Variants in CHD9 observed in about 807,000 individuals in gnomAD.
CHD9 encodes ATP-dependent chromatin remodeler CHD9.
CHD9 carries 77 observed loss-of-function variants against 316.1 expected under a neutral mutation model. The ratio of observed to expected loss-of-function variants is 0.24; its 90% CI spans 0.20 to 0.29. The LOEUF (loss-of-function observed/expected upper bound fraction) is 0.29, where lower values mean the gene tolerates loss of function less well. Ranked by LOEUF, CHD9 falls within the 10% of genes least tolerant of loss-of-function variation. The pLI is 1.00. For synonymous variants in CHD9, 1,129 were observed against 1,158.3 expected (o/e 0.97, Z 0.51); for missense variants, 2,763 against 3,438.1 (o/e 0.80, Z 4.91).
intron 2 of CHD9, among the ~76,000 whole-genome samples, chr16:53,165,739 T>C (rs1432270524): frequency 7.1e-6 from 1 of 140,716 alleles, no homozygotes; most frequent in Non-Finnish European, 1.6e-5. Flanking sequence ...AGCTATTTGC[T>C]GTTTTTTTTC....
chr16:53,245,938 C>A lies in CHD9; in HGVS notation c.3454+88C>A. 1.2e-6 allele frequency: 1 copy of A among 868,234 alleles called. No homozygotes were observed. Among genetic ancestry groups the A allele is most frequent in the Non-Finnish European group, 1.6e-6 (1 of 610,798 alleles). 53.8% of individuals were successfully genotyped at this position (868,234 alleles called of 1,614,324 possible). A position where few individuals can be genotyped will look rare whatever the true frequency, so the allele number is the denominator to read the frequency against. The stretch of plus-strand genomic sequence containing the variant: ...ACAGAACACACTACAGCTGTAGTGG[C>A]TGTTATGACTCTCCACTGTGATATT... On this transcript the variant is annotated intron_variant, in intron 15 of 38. Transcript: ENST00000447540. The surrounding 1 kb of genome is among the most constrained non-coding windows in gnomAD (Gnocchi z 4.1).
At chr16:53,105,683 T>C (rs923748380) in intron 1 of CHD9, among the ~76,000 whole-genome samples, 2 of 152,228 alleles carry the variant, frequency 1.3e-5, no homozygotes, top group African/African-American at 4.8e-5. Flanking sequence ...CAGGATATCA[T>C]AAATTCAGGT....
intron 1 of CHD9, among the ~76,000 whole-genome samples, chr16:53,135,932 G>GAT: frequency 6.6e-6 from 1 of 152,154 alleles, no homozygotes; most frequent in East Asian, 1.9e-4. Context: ...ATATTGAATG[G>GAT]ATATATATAG....
intron 2 of CHD9, among the ~76,000 whole-genome samples, chr16:53,191,708 A>G (rs993844783): frequency 6.6e-5 from 10 of 152,146 alleles, no homozygotes; most frequent in African/African-American, 1.9e-4. Flanking sequence ...ATTTATGCCT[A>G]TTATGAGTAA....
intron 21 of CHD9, 107 bp from the exon 22 acceptor site, chr16:53,267,820 A>G (rs886244828): frequency 1.1e-6 from 1 of 932,512 alleles, no homozygotes; most frequent in Non-Finnish European, 1.6e-6. Flanking sequence ...AGACTTAATT[A>G]GCAAAAATGA....
intron 20 of CHD9, among the ~76,000 whole-genome samples, chr16:53,264,032 A>C (rs927252360): frequency 2.6e-5 from 4 of 152,028 alleles, no homozygotes; most frequent in Admixed American, 6.6e-5. Flanking sequence ...TCTACTTCAC[A>C]GTAGAAAAAA....
At chr16:53,315,817 T>A (rs2056840780) in intron 36 of CHD9, among the ~76,000 whole-genome samples, 1 of 151,974 alleles carries the variant, frequency 6.6e-6, no homozygotes, top group Non-Finnish European at 1.5e-5. Context: ...CACCAAAGTT[T>A]TAAGTAAATA....
intron 1 of CHD9, among the ~76,000 whole-genome samples, chr16:53,081,511 C>A (rs1567313775): frequency 6.6e-6 from 1 of 152,132 alleles, no homozygotes; most frequent in African/African-American, 2.4e-5. Context: ...TGAACCCTGG[C>A]TCCTATGAGT....
chr16:53,266,966 C>A (rs1223707941), intron 20 of CHD9, among the ~76,000 whole-genome samples: 1 of 151,990 alleles, frequency 6.6e-6, no homozygotes, highest in Non-Finnish European at 1.5e-5. Context: ...TAAGAACAAT[C>A]TAAATTATGA....
At chr16:53,310,877 A>ATAATAATAC (rs1395472743) in intron 34 of CHD9, 2 of 148,078 alleles carry the variant, frequency 1.4e-5, no homozygotes, top group Admixed American at 6.8e-5. Flanking sequence ...AATAATAATA[A>ATAATAATAC]TAATAATAAT....
intron 24 of CHD9, among the ~76,000 whole-genome samples, chr16:53,275,217 G>A (rs149005670): frequency 1.3e-5 from 2 of 151,882 alleles, no homozygotes; most frequent in South Asian, 2.1e-4. Flanking sequence ...TAGTAGAGAC[G>A]AGGTTTCACC....
At chr16:53,142,518 G>A (rs1167737731) in intron 1 of CHD9, among the ~76,000 whole-genome samples, 2 of 152,172 alleles carry the variant, frequency 1.3e-5, no homozygotes, top group Non-Finnish European at 2.9e-5. Flanking sequence ...TGTTGCCCAG[G>A]CTGATCTCCA....
At chr16:53,087,987 T>G (rs2035609873) in intron 1 of CHD9, among the ~76,000 whole-genome samples, 1 of 152,062 alleles carries the variant, frequency 6.6e-6, no homozygotes, top group African/African-American at 2.4e-5. Context: ...AAGATACTTT[T>G]GAGCAAAACA....
At chr16:53,255,516 T>A in intron 18 of CHD9, 84 bp from the exon 19 acceptor site, 1 of 1,231,536 alleles carries the variant, frequency 8.1e-7, no homozygotes, top group Admixed American at 2.3e-5. Flanking sequence ...ATGCCTCTTG[T>A]GTTCTTTGAC....
intron 1 of CHD9, among the ~76,000 whole-genome samples, chr16:53,145,212 T>G (rs1212825159): frequency 6.6e-6 from 1 of 151,124 alleles, no homozygotes; most frequent in Non-Finnish European, 1.5e-5. Flanking sequence ...AGTGCAGTGG[T>G]GCGATCTCAG....
chr16:53,055,578 T>C (rs1331951158), intron 1 of CHD9, among the ~76,000 whole-genome samples: 1 of 150,366 alleles, frequency 6.7e-6, no homozygotes, highest in Non-Finnish European at 1.5e-5. Context: ...AGATTCCAGC[T>C]GGCAGCCAAA....
intron 1 of CHD9, among the ~76,000 whole-genome samples, chr16:53,111,642 T>C (rs999322044): frequency 6.6e-6 from 1 of 152,250 alleles, no homozygotes; most frequent in African/African-American, 2.4e-5. Context: ...AGATTCTGAC[T>C]CATTATCCAG....
intron 1 of CHD9, among the ~76,000 whole-genome samples, chr16:53,131,478 C>A: frequency 6.8e-6 from 1 of 147,678 alleles, no homozygotes; most frequent in Admixed American, 6.7e-5. Flanking sequence ...TGCGGCCCAG[C>A]CCGCCCGCGG....
Position 53,172,702 on chromosome 16 carries a change from AT to A in CHD9, c.1452+15165del, listed in dbSNP as rs566567900. On this transcript the variant is annotated intron_variant, in intron 2 of 38. Coordinates refer to ENST00000447540, the MANE Select transcript of CHD9 (RefSeq NM_001308319.2). Reference sequence around the variant, plus strand: ...TGATCTGATATGGTCACTGTTTTTAATTTTAGCCATACTGATAGGTGAAGAT... The same window carrying A: ...TGATCTGATATGGTCACTGTTTTTAATTTAGCCATACTGATAGGTGAAGAT... Among the ~76,000 whole-genome samples the A allele has an allele frequency of 5.3e-3, 806 of 152,230 alleles. 5 individuals carry two copies. Among genetic ancestry groups the A allele is most frequent in the Non-Finnish European group, 7.6e-3 (520 of 67,998 alleles).
Sources: allele counts gnomAD v4.1 joint callset (sites outside exome capture counted in the v4.1 genomes callset), GRCh38; gene constraint gnomAD v4.1.1; non-coding constraint Gnocchi (gnomAD v3.1); transcripts MANE v1.5; gene names NCBI Gene and HGNC (gene_info 2026-07-23, HGNC 2026-07-21).